The following DYRK1A variants were observed in gnomAD, a reference collection of about 807,000 sequenced individuals.
The protein encoded by DYRK1A is dual specificity tyrosine-phosphorylation-regulated kinase 1A.
Under a neutral mutation model 79.7 loss-of-function variants are expected in DYRK1A, and 9 were observed. The observed-to-expected ratio is 0.11, with a 90% CI of 0.07 to 0.20. DYRK1A has a LOEUF of 0.20. Among genes scored for constraint, DYRK1A ranks in the 10% least tolerant of loss-of-function variants. The pLI, the probability that DYRK1A is intolerant of heterozygous loss-of-function variation, is 1.00. For synonymous variants in DYRK1A, 349 were observed against 329.7 expected, an observed-to-expected ratio of 1.06 and a Z score of -0.63; for missense variants, 622 against 956.0, an observed-to-expected ratio of 0.65 and a Z score of 4.61.
chr21:37,424,411 C>G (rs1472204190), intron 2 of DYRK1A, among the ~76,000 whole-genome samples: 1 of 152,018 alleles, frequency 6.6e-6, no homozygotes, highest in Non-Finnish European at 1.5e-5. Flanking sequence ...AAACATATCC[C>G]AAGTTTTAGT....
At chr21:37,493,262 C>G (rs2053157378) in intron 8 of DYRK1A, 99 bp downstream of exon 8, 1 of 1,199,612 alleles carries the variant, frequency 8.3e-7, no homozygotes, top group South Asian at 1.6e-5. Flanking sequence ...GCAAAGATGT[C>G]TACTTAATCA....
intron 9 of DYRK1A, among the ~76,000 whole-genome samples, chr21:37,500,729 T>C (rs889853206): frequency 6.6e-6 from 1 of 152,044 alleles, no homozygotes; most frequent in Non-Finnish European, 1.5e-5. Context: ...ATCTAAATTG[T>C]TGAATTTGTT....
At chr21:37,417,499 T>C (rs540790475) in intron 1 of DYRK1A, among the ~76,000 whole-genome samples, 1 of 123,392 alleles carries the variant, frequency 8.1e-6, no homozygotes, top group African/African-American at 2.9e-5. Context: ...TTGTATTTTT[T>C]ATTTTTCTTT....
chr21:37,523,910 C>A lies in DYRK1A; in HGVS notation c.*11379C>A, dbSNP rs749238582. ...TGATGAGAATATGTGGCATTCTCAT[C>A]ATTTTGCCCTGCCGCTCTGTGCAAT... is the stretch of plus-strand genomic sequence containing the variant. On this transcript the variant is annotated 3_prime_UTR_variant, in exon 12 of 12. Coordinates refer to ENST00000647188, the MANE Select transcript of DYRK1A (RefSeq NM_001347721.2). 5.3e-5 allele frequency: 8 copies of A among 152,192 alleles called. No individual in the cohort carries two copies. Among genetic ancestry groups the A allele is most frequent in the Non-Finnish European group, 7.3e-5 (5 of 68,038 alleles). 9.4% of individuals were successfully genotyped at this position (152,192 alleles called of 1,614,324 possible).
At chr21:37,422,224 C>A (rs1172635418) in intron 2 of DYRK1A, among the ~76,000 whole-genome samples, 1 of 152,140 alleles carries the variant, frequency 6.6e-6, no homozygotes, top group East Asian at 1.9e-4. Flanking sequence ...GAAAGAAGAT[C>A]TAGCTGTCTA....
At chr21:37,403,681 G>A (rs1343566251) in intron 1 of DYRK1A, among the ~76,000 whole-genome samples, 15 of 147,972 alleles carry the variant, frequency 1.0e-4, no homozygotes, top group African/African-American at 2.0e-4. Flanking sequence ...GTGTGTGTGT[G>A]TGTGTGTGTG....
chr21:37,468,767 G>T (rs1446744781), intron 2 of DYRK1A, among the ~76,000 whole-genome samples: 1 of 152,078 alleles, frequency 6.6e-6, no homozygotes, highest in African/African-American at 2.4e-5. Flanking sequence ...GAAGGTAATA[G>T]ATTTTTTTCA....
chr21:37,441,656 G>C (rs577768708), intron 2 of DYRK1A, among the ~76,000 whole-genome samples: 1 of 152,178 alleles, frequency 6.6e-6, no homozygotes, highest in African/African-American at 2.4e-5. Context: ...CCATACCATA[G>C]TATTCTTCTA....
chr21:37,496,451 T>G (rs1355580887), intron 9 of DYRK1A, among the ~76,000 whole-genome samples, 193 bp downstream of exon 9: 5 of 152,206 alleles, frequency 3.3e-5, no homozygotes, highest in African/African-American at 4.8e-5. Context: ...CAGTGTTTGA[T>G]TAATGGTCAG....
intron 1 of DYRK1A, among the ~76,000 whole-genome samples, chr21:37,393,199 A>T (rs2049903009): frequency 6.6e-6 from 1 of 152,230 alleles, no homozygotes; most frequent in African/African-American, 2.4e-5. Context: ...CATGATGTGT[A>T]GTCTCAGTAA....
chr21:37,391,398 TA>T (rs1328948661), intron 1 of DYRK1A, among the ~76,000 whole-genome samples: 1 of 152,236 alleles, frequency 6.6e-6, no homozygotes, highest in Non-Finnish European at 1.5e-5. Context: ...ATCCATTGTC[TA>T]AAAACTTCTT....
chr21:37,420,511 A>G, intron 2 of DYRK1A, 127 bp downstream of exon 2: 1 of 918,582 alleles, frequency 1.1e-6, no homozygotes, highest in Non-Finnish European at 1.7e-6. Context: ...CAGTAAATGC[A>G]AAGGTAGTTG....
chr21:37,500,420 G>A (rs2148637669), intron 9 of DYRK1A, among the ~76,000 whole-genome samples: 1 of 152,130 alleles, frequency 6.6e-6, no homozygotes, highest in South Asian at 2.1e-4. Flanking sequence ...ATGGATATTT[G>A]CATAACATTT....
chr21:37,497,526 T>C (rs1315244270), intron 9 of DYRK1A, among the ~76,000 whole-genome samples: 1 of 152,186 alleles, frequency 6.6e-6, no homozygotes, highest in Non-Finnish European at 1.5e-5. Flanking sequence ...TCACCAGCAT[T>C]TAAAGGCGTT....
In DYRK1A at chr21:37,429,668, A is replaced by T. The variant is rs185740147; in HGVS notation, c.10+9284A>T. The stretch of plus-strand genomic sequence containing the variant: ...CTCCAACATTGAGAATTACAGCTTG[A>T]CGTGAGATTTGTGTGGGGACACATA... On this transcript the variant is annotated intron_variant, in intron 2 of 11. Coordinates refer to ENST00000647188, the MANE Select transcript of DYRK1A (RefSeq NM_001347721.2). 4.0e-3 allele frequency among the ~76,000 whole-genome samples: 612 copies of T among 152,326 alleles called. 1 individual carries two copies. The highest frequency in any genetic ancestry group is 5.8e-3 in the Non-Finnish European group (393 of 68,030).
At chr21:37,391,476 T>G (rs1228576113) in intron 1 of DYRK1A, among the ~76,000 whole-genome samples, 1 of 152,262 alleles carries the variant, frequency 6.6e-6, no homozygotes, top group African/African-American at 2.4e-5. Context: ...AGTTTTATCT[T>G]CAGTGCAGTT....
chr21:37,438,465 G>A (rs1365188378), intron 2 of DYRK1A, among the ~76,000 whole-genome samples: 2 of 152,084 alleles, frequency 1.3e-5, no homozygotes, highest in East Asian at 3.8e-4. Context: ...TTATATTTAA[G>A]TCTGTGGTCC....
intron 6 of DYRK1A, chr21:37,487,904 A>T (rs1426398482): frequency 6.6e-6 from 1 of 152,128 alleles, no homozygotes; most frequent in African/African-American, 2.4e-5. Flanking sequence ...ACATGAGGTG[A>T]CCCATTTCCA....
chr21:37,420,437 C>A, intron 2 of DYRK1A, 53 bp downstream of exon 2: 1 of 1,587,412 alleles, frequency 6.3e-7, no homozygotes. Flanking sequence ...ATGTGGGAAT[C>A]GATGGTCTAT....
Sources: gnomAD v4.1 joint callset for allele counts (sites outside exome capture counted in the v4.1 genomes callset) on GRCh38, gnomAD v4.1.1 for gene constraint, MANE v1.5 for transcripts, NCBI Gene and HGNC (gene_info 2026-07-23, HGNC 2026-07-21) for gene names.